SAMM50: variants seen among roughly 807,000 people sequenced by gnomAD.
The protein encoded by SAMM50 is sorting and assembly machinery component 50 homolog.
Under a neutral mutation model 66.9 loss-of-function variants are expected in SAMM50, and 47 were observed. The ratio of observed to expected loss-of-function variants is 0.70; its 90% CI spans 0.56 to 0.90. SAMM50 has a LOEUF of 0.90. Ranked by LOEUF, SAMM50 falls within the 40% of genes least tolerant of loss-of-function variation. The probability of loss-of-function intolerance (pLI) is 0.00; values close to 1 mark genes in which losing one functional copy is unlikely to be tolerated. For synonymous variants in SAMM50, 191 were observed against 214.1 expected, an observed-to-expected ratio of 0.89 and a Z score of 0.94; for missense variants, 535 against 595.3, an observed-to-expected ratio of 0.90 and a Z score of 1.05.
In SAMM50 at chr22:43,977,976, G is replaced by A; in HGVS notation, c.936+18G>A. 1 of 1,512,464 alleles carries A rather than the reference G, an allele frequency of 6.6e-7. No homozygotes were observed. Among genetic ancestry groups the A allele is most frequent in the Non-Finnish European group, 9.2e-7 (1 of 1,090,200 alleles). 93.7% of individuals were successfully genotyped at this position (1,512,464 alleles called of 1,614,324 possible). ...TTGATTCAGTGAGTATCTAACGGAT[G>A]CTGGCACCTGCACTGTCAGCCCTTA... On this transcript the variant is annotated intron_variant, in intron 10 of 14. Transcript: ENST00000350028.
In SAMM50 at chr22:43,993,929, C is replaced by T. The variant is rs114344712; in HGVS notation, c.1365-2409C>T. 9.8e-3 allele frequency among the ~76,000 whole-genome samples: 1,492 copies of T among 152,310 alleles called. 25 individuals are homozygous for T. The highest frequency in any genetic ancestry group is 0.034 in the African/African-American group (1,429 of 41,560). ...CTGTTATGTCGCAAGTGATTTGTGG[C>T]ACCACTGTCTCTGGGATCTAACAGC... On this transcript the variant is annotated intron_variant, in intron 14 of 14. Coordinates refer to ENST00000350028, the MANE Select transcript of SAMM50 (RefSeq NM_015380.5).
chr22:43,991,599 G>A (rs1286278964), intron 14 of SAMM50, among the ~76,000 whole-genome samples: 2 of 152,264 alleles, frequency 1.3e-5, no homozygotes, highest in East Asian at 3.9e-4. Flanking sequence ...ATTCAGACGT[G>A]TTTTCATTAT....
At chr22:43,981,013 T>C (rs1004557539) in intron 10 of SAMM50, among the ~76,000 whole-genome samples, 20 of 152,174 alleles carry the variant, frequency 1.3e-4, no homozygotes, top group Non-Finnish European at 2.8e-4. Flanking sequence ...TTCCACATTT[T>C]GAGGCCGCGG....
intron 1 of SAMM50, among the ~76,000 whole-genome samples, chr22:43,956,072 T>C (rs996186547): frequency 3.3e-5 from 5 of 152,126 alleles, no homozygotes; most frequent in Non-Finnish European, 7.3e-5. Flanking sequence ...ACGGAACCGC[T>C]CTCTGCCTTA....
At position 43,970,078 on chromosome 22, in the gene SAMM50, A is replaced by G. The variant is rs1354582934; in HGVS notation, c.322+1260A>G. 3.3e-5 allele frequency among the ~76,000 whole-genome samples: 5 copies of G among 152,208 alleles called. No homozygotes were observed. The East Asian group carries it at 9.6e-4, about 29-fold the overall frequency. ...AGGACATTTTCATTATTTGGAGTAT[A>G]GTTTCAGCCAACACTAACAGACCTA... On this transcript the variant is annotated intron_variant, in intron 4 of 14. Transcript: ENST00000350028.
chr22:43,973,429 C>G, intron 7 of SAMM50, 106 bp downstream of exon 7: 1 of 691,738 alleles, frequency 1.4e-6, no homozygotes, highest in Admixed American at 2.1e-5. Context: ...CACAGGCCCT[C>G]TGCCCTCCGC....
At chr22:43,971,858 T>C (rs2050205517) in intron 4 of SAMM50, among the ~76,000 whole-genome samples, 1 of 152,104 alleles carries the variant, frequency 6.6e-6, no homozygotes, top group Non-Finnish European at 1.5e-5. Context: ...CTATAGGTGC[T>C]CGCCACCACA....
chr22:43,957,522 A>G (rs1389279714), intron 1 of SAMM50, among the ~76,000 whole-genome samples: 1 of 152,100 alleles, frequency 6.6e-6, no homozygotes, highest in Admixed American at 6.5e-5. Flanking sequence ...TCCCAGGTTC[A>G]AGCGATTCTC....
intron 14 of SAMM50, among the ~76,000 whole-genome samples, chr22:43,994,840 A>G (rs760726845): frequency 5.3e-5 from 8 of 152,150 alleles, no homozygotes; most frequent in Non-Finnish European, 1.0e-4. Context: ...TCTGAGCATA[A>G]ACCTATGCTT....
intron 11 of SAMM50, among the ~76,000 whole-genome samples, chr22:43,982,597 T>C (rs1432517402): frequency 6.6e-6 from 1 of 152,210 alleles, no homozygotes; most frequent in East Asian, 1.9e-4. Context: ...CCTGGATCAT[T>C]TGAATTCAAA....
chr22:43,980,234 A>C (rs1185742534), intron 10 of SAMM50, among the ~76,000 whole-genome samples: 1 of 89,218 alleles, frequency 1.1e-5, no homozygotes, highest in Non-Finnish European at 2.1e-5. Context: ...GGCACTGTCC[A>C]GGCACTAAGA....
intron 12 of SAMM50, among the ~76,000 whole-genome samples, chr22:43,985,631 T>C (rs1055127222): frequency 6.6e-6 from 1 of 152,180 alleles, no homozygotes; most frequent in African/African-American, 2.4e-5. Context: ...TTCTAGTGTT[T>C]GGCAGTGATG....
intron 1 of SAMM50, 109 bp from the exon 2 acceptor site, chr22:43,963,177 G>A (rs1243327222): frequency 1.5e-6 from 1 of 651,190 alleles, no homozygotes; most frequent in Non-Finnish European, 2.6e-6. Flanking sequence ...CTACTTGAAG[G>A]GAACAACTAC....
chr22:43,995,937 C>T (rs2050351093), intron 14 of SAMM50, among the ~76,000 whole-genome samples: 1 of 152,074 alleles, frequency 6.6e-6, no homozygotes, highest in Non-Finnish European at 1.5e-5. Context: ...GGGGGCCGGG[C>T]GGACCTTAAG....
intron 4 of SAMM50, among the ~76,000 whole-genome samples, chr22:43,971,099 T>C (rs1603419047): frequency 6.6e-6 from 1 of 150,870 alleles, no homozygotes; most frequent in South Asian, 2.1e-4. Context: ...ACCCGGGAGG[T>C]GGAGGTTGTG....
chr22:43,970,642 T>G (rs1399835325), intron 4 of SAMM50, among the ~76,000 whole-genome samples: 1 of 152,116 alleles, frequency 6.6e-6, no homozygotes, highest in African/African-American at 2.4e-5. Flanking sequence ...GTACCACACA[T>G]GCGAGGTGTT....
chr22:43,989,967 G>A (rs533584133), intron 13 of SAMM50, among the ~76,000 whole-genome samples: 8 of 152,310 alleles, frequency 5.3e-5, no homozygotes, highest in African/African-American at 1.4e-4. Context: ...GAGACTCAGA[G>A]TGGGGCTTCC....
intron 11 of SAMM50, among the ~76,000 whole-genome samples, chr22:43,982,947 T>C (rs2050272438): frequency 6.6e-6 from 1 of 152,226 alleles, no homozygotes; most frequent in Non-Finnish European, 1.5e-5. Flanking sequence ...GATTGATCAT[T>C]TCTTTAAAAA....
At chr22:43,959,072 G>A (rs2050135261) in intron 1 of SAMM50, among the ~76,000 whole-genome samples, 1 of 144,322 alleles carries the variant, frequency 6.9e-6, no homozygotes, top group South Asian at 2.2e-4. Context: ...AGGCTGGAGT[G>A]CAGTGGCGTG....
Sources: gnomAD v4.1 joint callset for allele counts (sites outside exome capture counted in the v4.1 genomes callset) on GRCh38, gnomAD v4.1.1 for gene constraint, MANE v1.5 for transcripts, NCBI Gene and HGNC (gene_info 2026-07-23, HGNC 2026-07-21) for gene names.